Variants in ASAP2 observed in about 807,000 individuals in gnomAD.
ASAP2 encodes the protein ArfGAP with SH3 domain, ankyrin repeat and PH domain 2.
In ASAP2, 45 loss-of-function variants were observed where a neutral mutation model predicts 131.4. The observed-to-expected ratio is 0.34, with a 90% CI of 0.27 to 0.44. The LOEUF (loss-of-function observed/expected upper bound fraction) is 0.44, where lower values mean the gene tolerates loss of function less well. ASAP2 is among the 20% of genes least tolerant of loss of function. The pLI is 1.00. For synonymous variants in ASAP2, 510 were observed against 503.0 expected (o/e 1.01, Z -0.19); for missense variants, 1,011 against 1,297.0 (o/e 0.78, Z 3.39).
chr2:9,365,902 C>G (rs1251314599), intron 15 of ASAP2, among the ~76,000 whole-genome samples: 2 of 152,144 alleles, frequency 1.3e-5, no homozygotes, highest in East Asian at 3.9e-4. Context: ...CTGGGCTGAG[C>G]TACCCTGGGT....
intron 20 of ASAP2, among the ~76,000 whole-genome samples, chr2:9,383,541 G>C (rs1675032923): frequency 6.6e-6 from 1 of 152,116 alleles, no homozygotes; most frequent in South Asian, 2.1e-4. Context: ...TTACAGGTGT[G>C]AGCCACTCCA....
chr2:9,230,834 G>A (rs1002151165), intron 1 of ASAP2, among the ~76,000 whole-genome samples: 1 of 152,192 alleles, frequency 6.6e-6, no homozygotes, highest in Non-Finnish European at 1.5e-5. Flanking sequence ...CAGTGGTTTG[G>A]GAGCAGCAAT....
intron 1 of ASAP2, among the ~76,000 whole-genome samples, chr2:9,215,254 C>T (rs75477606): frequency 1.8e-4 from 27 of 152,162 alleles, no homozygotes; most frequent in Admixed American, 4.6e-4. Flanking sequence ...TATGAGAGGT[C>T]GTCTGTGTGG....
chr2:9,245,284 C>G (rs2148103321), intron 1 of ASAP2, among the ~76,000 whole-genome samples: 1 of 152,236 alleles, frequency 6.6e-6, no homozygotes, highest in South Asian at 2.1e-4. Flanking sequence ...ATTGTCAGTG[C>G]CAGTGTGTTG....
intron 18 of ASAP2, among the ~76,000 whole-genome samples, chr2:9,377,673 G>C: frequency 6.6e-6 from 1 of 152,168 alleles, no homozygotes; most frequent in Non-Finnish European, 1.5e-5. Flanking sequence ...AGGAGGTGCT[G>C]TTAAAAGCCA....
At chr2:9,213,925 T>C (rs1356107038) in intron 1 of ASAP2, among the ~76,000 whole-genome samples, 2 of 152,150 alleles carry the variant, frequency 1.3e-5, no homozygotes, top group Non-Finnish European at 2.9e-5. Context: ...CAAGGAAAGA[T>C]TGAAGCATAG....
intron 27 of ASAP2, among the ~76,000 whole-genome samples, chr2:9,402,018 T>C (rs1256182656): frequency 1.3e-5 from 2 of 152,148 alleles, no homozygotes; most frequent in Non-Finnish European, 2.9e-5. Flanking sequence ...ATGAACCGGC[T>C]TGAATGGGGC....
At position 9,232,246 on chromosome 2, in the gene ASAP2, C is replaced by T. The variant is rs554234449; in HGVS notation, c.126+25016C>T. Among the ~76,000 whole-genome samples the T allele has an allele frequency of 2.6e-5, 4 of 152,082 alleles. No individual in the cohort carries two copies. Among genetic ancestry groups the T allele is most frequent in the Admixed American group, 6.6e-5 (1 of 15,204 alleles). On this transcript the variant is annotated intron_variant, in intron 1 of 27. Transcript: ENST00000281419. This position sits in a 1 kb window ranked among gnomAD's most constrained non-coding sequence, Gnocchi z 4.1. ...TCCATGCCTGTCCTCTGTGTCAACA[C>T]GCCTCACTGCCCTGCGCCCGATCCT...
intron 24 of ASAP2, 52 bp downstream of exon 24, chr2:9,393,699 A>C: frequency 1.3e-6 from 2 of 1,506,666 alleles, no homozygotes; most frequent in South Asian, 1.2e-5. Flanking sequence ...CTCTGACCTC[A>C]CCTGCCCAGG....
Position 9,380,729 on chromosome 2 carries a change from C to G in ASAP2, c.1949-12C>G. ...TGCCTTAACGCCTCCTTTGCTCGCC[C>G]TTGAATTTTAGCAAACGAGTCAGGA... is the stretch of plus-strand genomic sequence containing the variant. On this transcript the variant is annotated splice_polypyrimidine_tract_variant and intron_variant, in intron 19 of 27. Transcript: ENST00000281419. The G allele has an allele frequency of 1.2e-6, 2 of 1,614,104 alleles. No homozygotes were observed. Among genetic ancestry groups the G allele is most frequent in the Non-Finnish European group, 1.7e-6 (2 of 1,179,998 alleles).
chr2:9,363,694 C>G (rs1673255436), intron 15 of ASAP2, among the ~76,000 whole-genome samples: 1 of 152,248 alleles, frequency 6.6e-6, no homozygotes, highest in South Asian at 2.1e-4. Context: ...TGCAATCCTT[C>G]TGGGTAGCTG....
At chr2:9,365,307 A>T (rs1486588237) in intron 15 of ASAP2, among the ~76,000 whole-genome samples, 2 of 152,096 alleles carry the variant, frequency 1.3e-5, no homozygotes, top group Admixed American at 1.3e-4. Flanking sequence ...CCCTTCGGGG[A>T]TCCAAGGGGC....
At chr2:9,317,826 A>T (rs1669892770) in intron 3 of ASAP2, among the ~76,000 whole-genome samples, 1 of 147,918 alleles carries the variant, frequency 6.8e-6, no homozygotes, top group Admixed American at 6.7e-5. Flanking sequence ...TCACACCCTT[A>T]GTCCCTTAAC....
At chr2:9,353,472 G>A (rs186238127) in intron 12 of ASAP2, among the ~76,000 whole-genome samples, 105 of 152,202 alleles carry the variant, frequency 6.9e-4, no homozygotes, top group Non-Finnish European at 4.1e-4. Flanking sequence ...TGGGAGGATC[G>A]CTTGAGTTCA....
Position 9,393,558 on chromosome 2 carries a change from G to T in ASAP2, c.2595G>T (p.Lys865Asn). 6.3e-7 allele frequency: 1 copy of T among 1,593,788 alleles called. No homozygotes were observed. The change falls in exon 24 of 28, where the codon AAG becomes AAT. Residue 865 changes from lysine (K) to asparagine (N), a missense_variant. By Grantham distance (94) the Lys-to-Asn change is moderately conservative (BLOSUM62 0). Around this residue, in one of 2 missense-constraint regions of ASAP2, gnomAD observed 652 missense variants for 698.9 expected, o/e 0.93. Coordinates refer to ENST00000281419, the MANE Select transcript of ASAP2 (RefSeq NM_003887.3). ...SVMEALSQPSKPAPPGISQIR... is the reference protein window; with the variant it reads ...SVMEALSQPSNPAPPGISQIR... ...TGGAAGCCTTGAGCCAGCCGAGCAAGCCTGCCCCGCCTGGGATCTCACAGA... is the reference window on the plus strand; with the variant it reads ...TGGAAGCCTTGAGCCAGCCGAGCAATCCTGCCCCGCCTGGGATCTCACAGA...
chr2:9,286,582 G>A (rs751989174), intron 2 of ASAP2, among the ~76,000 whole-genome samples: 16 of 152,072 alleles, frequency 1.1e-4, no homozygotes, highest in Non-Finnish European at 1.8e-4. Context: ...AAACATGCAC[G>A]CAGAGTTTCT....
intron 27 of ASAP2, among the ~76,000 whole-genome samples, chr2:9,402,882 T>C (rs1343012794): frequency 6.6e-6 from 1 of 152,232 alleles, no homozygotes; most frequent in Non-Finnish European, 1.5e-5. Context: ...TTAGGTGACG[T>C]TGCAGCTCAC....
intron 23 of ASAP2, 44 bp from the exon 24 acceptor site, chr2:9,393,438 G>GC (rs1394074089): frequency 1.3e-6 from 2 of 1,530,904 alleles, no homozygotes. Context: ...TGAGTGGGAA[G>GC]CCTGGCGGCT....
intron 12 of ASAP2, among the ~76,000 whole-genome samples, chr2:9,352,336 G>A (rs1463572091): frequency 1.3e-5 from 2 of 152,222 alleles, no homozygotes; most frequent in Non-Finnish European, 2.9e-5. Context: ...GGTGTAATCT[G>A]ATGTCTGCCA....
Sources: allele counts gnomAD v4.1 joint callset (sites outside exome capture counted in the v4.1 genomes callset), GRCh38; gene constraint gnomAD v4.1.1; regional missense constraint gnomAD v4.1.1; non-coding constraint Gnocchi (gnomAD v3.1); transcripts MANE v1.5; gene names NCBI Gene and HGNC (gene_info 2026-07-23, HGNC 2026-07-21).